The following GTF2IRD1 variants were observed in gnomAD, a reference collection of about 807,000 sequenced individuals.
GTF2IRD1 encodes general transcription factor II-I repeat domain-containing protein 1.
A neutral mutation model predicts 113.2 loss-of-function variants in GTF2IRD1; 26 were observed. The ratio of observed to expected loss-of-function variants is 0.23; its 90% CI spans 0.17 to 0.32. The LOEUF (loss-of-function observed/expected upper bound fraction) is 0.32, where lower values mean the gene tolerates loss of function less well. Ranked by LOEUF, GTF2IRD1 falls within the 10% of genes least tolerant of loss-of-function variation. The pLI is 1.00. For missense variants in GTF2IRD1, 864 were observed against 1,280.8 expected, an observed-to-expected ratio of 0.67 and a Z score of 4.97; for synonymous variants, 484 against 529.1, an observed-to-expected ratio of 0.91 and a Z score of 1.17.
chr7:74,601,855 A>C, intron 26 of GTF2IRD1: 1 of 166,762 alleles, frequency 6.0e-6, no homozygotes, highest in Non-Finnish European at 1.3e-5. Flanking sequence ...GGGCAGGAGG[A>C]TCATTTGAGC....
chr7:74,592,102 T>TTA (rs1412600530), intron 24 of GTF2IRD1, among the ~76,000 whole-genome samples: 2 of 151,958 alleles, frequency 1.3e-5, no homozygotes, highest in East Asian at 3.8e-4. Flanking sequence ...TATTAATATA[T>TTA]TATTACTTTC....
At chr7:74,546,109 C>A (rs1481169760) in intron 16 of GTF2IRD1, among the ~76,000 whole-genome samples, 5 of 152,020 alleles carry the variant, frequency 3.3e-5, no homozygotes, top group Non-Finnish European at 7.4e-5. Context: ...ACCCTCATCC[C>A]TCCGCCCTCA....
chr7:74,497,140 C>T (rs1213281990), intron 1 of GTF2IRD1, among the ~76,000 whole-genome samples: 1 of 152,094 alleles, frequency 6.6e-6, no homozygotes, highest in Non-Finnish European at 1.5e-5. Flanking sequence ...CCAGCCTGGG[C>T]AACAGAGTGA....
intron 19 of GTF2IRD1, among the ~76,000 whole-genome samples, chr7:74,557,230 C>T (rs1178943767): frequency 6.6e-6 from 1 of 152,112 alleles, no homozygotes; most frequent in Admixed American, 6.6e-5. Context: ...TGGGGACTGC[C>T]CATCCTCCTC....
At chr7:74,523,677 C>T (rs982202069) in intron 7 of GTF2IRD1, among the ~76,000 whole-genome samples, 30 of 151,936 alleles carry the variant, frequency 2.0e-4, no homozygotes, top group South Asian at 4.2e-4. Flanking sequence ...GCTGAGACCA[C>T]GCCACTGCAC....
intron 8 of GTF2IRD1, among the ~76,000 whole-genome samples, chr7:74,528,390 A>G (rs1398811352): frequency 1.3e-5 from 2 of 151,942 alleles, no homozygotes; most frequent in East Asian, 1.9e-4. Context: ...TTTTATAGAG[A>G]TGGCTTCTTA....
chr7:74,476,511 A>C (rs1554333580), intron 1 of GTF2IRD1, among the ~76,000 whole-genome samples: 1 of 151,760 alleles, frequency 6.6e-6, no homozygotes. Context: ...ATACAGGTGC[A>C]CGCCACCAGG....
At chr7:74,535,714 T>G (rs1798253197) in intron 10 of GTF2IRD1, among the ~76,000 whole-genome samples, 1 of 152,158 alleles carries the variant, frequency 6.6e-6, no homozygotes, top group Non-Finnish European at 1.5e-5. Flanking sequence ...GCTGTGTGAC[T>G]TTGGGCAAGG....
At chr7:74,514,465 A>G (rs1554343975) in intron 3 of GTF2IRD1, among the ~76,000 whole-genome samples, 1 of 152,168 alleles carries the variant, frequency 6.6e-6, no homozygotes, top group East Asian at 1.9e-4. Flanking sequence ...GCCGCTATTT[A>G]TAGCACCAGG....
intron 1 of GTF2IRD1, among the ~76,000 whole-genome samples, chr7:74,503,568 G>C (rs989670023): frequency 6.6e-6 from 1 of 152,118 alleles, no homozygotes; most frequent in Non-Finnish European, 1.5e-5. Flanking sequence ...GGCCAACATG[G>C]GGAAACCCCG....
intron 1 of GTF2IRD1, among the ~76,000 whole-genome samples, chr7:74,491,518 C>T (rs1356819585): frequency 2.0e-5 from 3 of 151,824 alleles, no homozygotes; most frequent in African/African-American, 4.8e-5. Flanking sequence ...GTGTTGCCCC[C>T]CTCTCTGTGT....
At chr7:74,601,877 G>T (rs1160535104) in intron 26 of GTF2IRD1, 7 of 166,226 alleles carry the variant, frequency 4.2e-5, no homozygotes, top group Admixed American at 1.1e-4. Context: ...CAAGGGGATT[G>T]AGGCTGCAGT....
chr7:74,496,615 G>GGTGTGCGTGTGGGTGTGCATGTAT (rs1259990665), intron 1 of GTF2IRD1, among the ~76,000 whole-genome samples: 1 of 142,580 alleles, frequency 7.0e-6, no homozygotes, highest in African/African-American at 2.6e-5. Context: ...CATGTATGTG[G>GGTGTGCGTGTGGGTGTGCATGTAT]GTGTGCGTGT....
intron 1 of GTF2IRD1, chr7:74,487,300 G>T (rs782750907): frequency 6.6e-6 from 1 of 152,270 alleles, no homozygotes; most frequent in African/African-American, 2.4e-5. Context: ...GCCTCCCAAA[G>T]TGCTGGGATT....
In GTF2IRD1 at chr7:74,486,974, C is replaced by T. The variant is rs189137982; in HGVS notation, c.-6-21101C>T. Among the ~76,000 whole-genome samples the T allele has an allele frequency of 3.8e-4, 58 of 152,230 alleles. No homozygotes were observed. The East Asian group carries it at 6.6e-3, about 17-fold the overall frequency. ...TGTCTCTAAAAACAAAGAAATGAGA[C>T]GCATTAGACAAAAGTTCCCAAAAGT... On this transcript the variant is annotated intron_variant, in intron 1 of 26. Transcript: ENST00000424337.
At chr7:74,594,115 C>T (rs1335572725) in intron 24 of GTF2IRD1, among the ~76,000 whole-genome samples, 2 of 151,306 alleles carry the variant, frequency 1.3e-5, no homozygotes, top group African/African-American at 2.4e-5. Context: ...AGGACAATCG[C>T]TTGAACCCAG....
At chr7:74,588,680 G>A (rs188042599) in intron 22 of GTF2IRD1, among the ~76,000 whole-genome samples, 52 of 151,950 alleles carry the variant, frequency 3.4e-4, no homozygotes, top group African/African-American at 1.2e-3. Context: ...ACAGGTGCCC[G>A]CCACATGCCC....
intron 22 of GTF2IRD1, among the ~76,000 whole-genome samples, chr7:74,573,359 G>A (rs963171666): frequency 6.6e-6 from 1 of 151,144 alleles, no homozygotes; most frequent in Non-Finnish European, 1.5e-5. Flanking sequence ...CCGTGATCGT[G>A]CCACTGCCCA....
chr7:74,468,175 TA>T (rs577776144), intron 1 of GTF2IRD1, among the ~76,000 whole-genome samples: 16 of 152,136 alleles, frequency 1.1e-4, no homozygotes, highest in South Asian at 4.1e-4. Context: ...TACAGGTAAT[TA>T]AACACCCAAC....
Sources: allele counts gnomAD v4.1 joint callset (sites outside exome capture counted in the v4.1 genomes callset), GRCh38; gene constraint gnomAD v4.1.1; transcripts MANE v1.5; gene names NCBI Gene and HGNC (gene_info 2026-07-23, HGNC 2026-07-21).